Variants in LGSN observed in about 807,000 individuals in gnomAD.
The protein encoded by LGSN is lengsin, lens protein with glutamine synthetase domain.
In LGSN, 21 loss-of-function variants were observed where a neutral mutation model predicts 19.5. That is an observed-to-expected ratio of 1.07 (90% CI 0.76 to 1.55). LGSN has a LOEUF of 1.55. Ranked by LOEUF, LGSN falls within the 40% of genes most tolerant of loss-of-function variation. The pLI is 0.00. For synonymous variants in LGSN, 257 were observed against 215.6 expected (o/e 1.19, Z -1.68); for missense variants, 673 against 608.5 (o/e 1.11, Z -1.12).
Position 63,280,489 on chromosome 6 carries a change from C to T in LGSN, c.1062G>A (p.Ala354=), listed in dbSNP as rs138743031. ...WLAGLLKHSA[A]LSCLMAPSVS... is the part of the protein sequence containing the mutation. ...CAGAAGGCGCCATCAGGCAGCTGAGCGCAGCAGAGTGCTTCAAGAGTCCTG... is the reference window on the plus strand; with the variant it reads ...CAGAAGGCGCCATCAGGCAGCTGAGTGCAGCAGAGTGCTTCAAGAGTCCTG... Residue 354 remains alanine (A), a synonymous_variant, in exon 4 of 4, where the codon GCG becomes GCA. Coordinates refer to ENST00000370657, the MANE Select transcript of LGSN (RefSeq NM_016571.3). 2.2e-5 allele frequency: 35 copies of T among 1,614,092 alleles called. No individual in the cohort carries two copies. Among genetic ancestry groups the T allele is most frequent in the African/African-American group, 2.7e-5 (2 of 75,056 alleles).
At chr6:63,445,188 G>A in the LGSN span, among the ~76,000 whole-genome samples, 1 of 152,142 alleles carries the variant, frequency 6.6e-6, no homozygotes, top group African/African-American at 2.4e-5. Context: ...GCAGGTGCCT[G>A]TAATCCCAGC....
chr6:63,325,759 C>T, the LGSN span, among the ~76,000 whole-genome samples: 5 of 152,086 alleles, frequency 3.3e-5, no homozygotes, highest in Non-Finnish European at 7.3e-5. Flanking sequence ...TTCGTGGTCT[C>T]GCTGGCTTCA....
chr6:63,447,029 A>G, the LGSN span, among the ~76,000 whole-genome samples: 2 of 152,232 alleles, frequency 1.3e-5, no homozygotes, highest in East Asian at 3.8e-4. Context: ...AGCCTGGGCA[A>G]AAGGAGTGAA....
the LGSN span, among the ~76,000 whole-genome samples, chr6:63,401,765 C>A: frequency 1.2e-4 from 18 of 152,108 alleles, no homozygotes; most frequent in Non-Finnish European, 1.9e-4. Flanking sequence ...AAAATGTATG[C>A]GACTGGAGCA....
chr6:63,293,166 T>G (rs1217179162), intron 2 of LGSN, among the ~76,000 whole-genome samples: 2 of 152,076 alleles, frequency 1.3e-5, no homozygotes, highest in Admixed American at 1.3e-4. Context: ...TACCAGCTAA[T>G]TTTTTTATTG....
the LGSN span, among the ~76,000 whole-genome samples, chr6:63,568,709 A>C: frequency 6.6e-6 from 1 of 152,188 alleles, no homozygotes; most frequent in East Asian, 1.9e-4. Flanking sequence ...GTATGCCTGT[A>C]TACTACATAT....
chr6:63,495,778 T>C, the LGSN span, among the ~76,000 whole-genome samples: 1 of 151,534 alleles, frequency 6.6e-6, no homozygotes, highest in Non-Finnish European at 1.5e-5. Flanking sequence ...AATGAGGGGA[T>C]TAGTATAAGG....
chr6:63,444,045 A>G, the LGSN span, among the ~76,000 whole-genome samples: 1 of 152,300 alleles, frequency 6.6e-6, no homozygotes, highest in Middle Eastern at 3.4e-3. Context: ...GCAGTTAACC[A>G]ACTCATAATA....
chr6:63,549,374 G>A, the LGSN span: 1 of 753,950 alleles, frequency 1.3e-6, no homozygotes, highest in Non-Finnish European at 2.4e-6. Context: ...CTTTTGGGCT[G>A]AATGTCCTGT....
At chr6:63,474,626 A>G in the LGSN span, among the ~76,000 whole-genome samples, 4 of 149,984 alleles carry the variant, frequency 2.7e-5, no homozygotes, top group East Asian at 5.8e-4. Flanking sequence ...AAAAAAAAAG[A>G]AAGTGGGAAG....
chr6:63,403,460 T>C, the LGSN span, among the ~76,000 whole-genome samples: 1 of 152,076 alleles, frequency 6.6e-6, no homozygotes, highest in African/African-American at 2.4e-5. Context: ...CTCAAAACAA[T>C]GTCTTTAGCT....
At chr6:63,571,722 T>G in the LGSN span, 1 of 152,264 alleles carries the variant, frequency 6.6e-6, no homozygotes, top group Non-Finnish European at 1.5e-5. Flanking sequence ...TTGAGCCAAC[T>G]GCAGTTGCAC....
the LGSN span, among the ~76,000 whole-genome samples, chr6:63,349,697 A>G: frequency 6.6e-6 from 1 of 152,250 alleles, no homozygotes. Context: ...GCCCTTGGCC[A>G]ACAACCAGCA....
the LGSN span, among the ~76,000 whole-genome samples, chr6:63,460,734 T>C: frequency 6.6e-6 from 1 of 152,176 alleles, no homozygotes; most frequent in South Asian, 2.1e-4. Flanking sequence ...TGCGGATTTT[T>C]CCTTTTCTGT....
At chr6:63,515,306 A>G in the LGSN span, among the ~76,000 whole-genome samples, 4 of 152,116 alleles carry the variant, frequency 2.6e-5, no homozygotes, top group Admixed American at 2.6e-4. Context: ...ATCTCAGCTC[A>G]CTGCAACCTC....
chr6:63,443,008 C>T, the LGSN span, among the ~76,000 whole-genome samples: 8 of 152,202 alleles, frequency 5.3e-5, no homozygotes, highest in Non-Finnish European at 1.0e-4. Context: ...CGGCGGTGCC[C>T]GTCAGGGAGG....
upstream of LGSN, among the ~76,000 whole-genome samples, chr6:63,320,356 C>A (rs1443884711): frequency 1.3e-5 from 2 of 152,096 alleles, no homozygotes; most frequent in Non-Finnish European, 2.9e-5. Context: ...GACAAAAGCA[C>A]AGATGGAAAA....
At chr6:63,326,722 C>T in the LGSN span, among the ~76,000 whole-genome samples, 2 of 152,142 alleles carry the variant, frequency 1.3e-5, no homozygotes, top group Non-Finnish European at 2.9e-5. Flanking sequence ...TGCCCAGGGC[C>T]AGCAGCGCCT....
chr6:63,355,255 T>TA, the LGSN span, among the ~76,000 whole-genome samples: 3,460 of 151,466 alleles, frequency 0.023, 91 homozygotes, highest in African/African-American at 0.066. Flanking sequence ...TGTATCAATT[T>TA]AAAAAAAAAT....
Sources: allele counts gnomAD v4.1 joint callset (sites outside exome capture counted in the v4.1 genomes callset), GRCh38; gene constraint gnomAD v4.1.1; transcripts MANE v1.5; gene names NCBI Gene and HGNC (gene_info 2026-07-23, HGNC 2026-07-21).